The following CNTN4 variants were observed in gnomAD, a reference collection of about 807,000 sequenced individuals.
CNTN4 encodes contactin 4.
In CNTN4, 77 loss-of-function variants were observed where a neutral mutation model predicts 122.5. That is an observed-to-expected ratio of 0.63 (90% confidence interval 0.52 to 0.76). CNTN4 has a LOEUF of 0.76. CNTN4 is among the 30% of genes least tolerant of loss of function. The pLI is 0.00. For synonymous variants in CNTN4, 512 were observed against 447.0 expected (o/e 1.15, Z -1.83); for missense variants, 1,256 against 1,259.1 (o/e 1.00, Z 0.04).
chr3:2,449,902 A>C (rs1438479637), intron 3 of CNTN4, among the ~76,000 whole-genome samples: 2 of 152,140 alleles, frequency 1.3e-5, no homozygotes, highest in Non-Finnish European at 2.9e-5. Context: ...AGTTACACTC[A>C]CAGAAGCAGG....
intron 3 of CNTN4, among the ~76,000 whole-genome samples, chr3:2,543,175 C>T (rs1424078933): frequency 1.3e-5 from 2 of 151,940 alleles, no homozygotes; most frequent in Non-Finnish European, 2.9e-5. Context: ...TGAAAAATAA[C>T]AGAGGATATA....
At chr3:2,502,176 A>T (rs2076611933) in intron 3 of CNTN4, among the ~76,000 whole-genome samples, 1 of 152,154 alleles carries the variant, frequency 6.6e-6, no homozygotes, top group Non-Finnish European at 1.5e-5. Context: ...TCTGGGGATT[A>T]GGACTTGAAC....
chr3:2,685,339 T>TA (rs1417012516), intron 4 of CNTN4, among the ~76,000 whole-genome samples: 3 of 152,160 alleles, frequency 2.0e-5, no homozygotes, highest in Non-Finnish European at 4.4e-5. Flanking sequence ...CAATTGGTGA[T>TA]AAAAATGTTA....
chr3:2,831,643 C>T (rs1039985673), intron 7 of CNTN4, among the ~76,000 whole-genome samples: 3 of 152,190 alleles, frequency 2.0e-5, no homozygotes, highest in Non-Finnish European at 4.4e-5. Context: ...TTCACTGTCA[C>T]AATTAACCCC....
chr3:2,684,811 C>G (rs1332609790), intron 4 of CNTN4, among the ~76,000 whole-genome samples: 1 of 152,086 alleles, frequency 6.6e-6, no homozygotes, highest in African/African-American at 2.4e-5. Context: ...TTGTTGTAAT[C>G]TGTATGAACA....
At chr3:2,485,192 C>T (rs1197547982) in intron 3 of CNTN4, among the ~76,000 whole-genome samples, 2 of 152,254 alleles carry the variant, frequency 1.3e-5, no homozygotes, top group African/African-American at 4.8e-5. Flanking sequence ...GCCTCTCCCC[C>T]TGTGGCTGTG....
chr3:2,787,523 G>T (rs985864327), intron 6 of CNTN4, among the ~76,000 whole-genome samples: 1 of 152,200 alleles, frequency 6.6e-6, no homozygotes, highest in African/African-American at 2.4e-5. Context: ...TATTTGGTCA[G>T]TGTCCGAACT....
rs1257000932 is a variant in CNTN4 at position 2,287,708 on chromosome 3, A to G, written c.-144-51470A>G. On this transcript the variant is annotated intron_variant, in intron 2 of 24. Transcript: ENST00000418658. ...AAGAAGAAGAGGAAGAAGAAGAAGAAGAGGAAGAAGAAGAAGAAGAAGAAG... is the reference window on the plus strand; with the variant it reads ...AAGAAGAAGAGGAAGAAGAAGAAGAGGAGGAAGAAGAAGAAGAAGAAGAAG... Among the ~76,000 whole-genome samples the G allele has an allele frequency of 3.4e-4, 21 of 61,710 alleles. 1 individual carries two copies. The highest frequency in any genetic ancestry group is 7.5e-4 in the South Asian group (1 of 1,338). The allele number at this position is 61,710 out of a possible 152,430, so 40.5% of individuals were successfully genotyped here.
intron 14 of CNTN4, among the ~76,000 whole-genome samples, chr3:2,994,557 T>G (rs1695345717): frequency 6.7e-6 from 1 of 150,048 alleles, no homozygotes; most frequent in South Asian, 2.1e-4. Flanking sequence ...GTTCACCCCA[T>G]AGAAAGTTTA....
chr3:2,351,648 T>G (rs2044628448), intron 3 of CNTN4, among the ~76,000 whole-genome samples: 1 of 152,188 alleles, frequency 6.6e-6, no homozygotes, highest in Non-Finnish European at 1.5e-5. Flanking sequence ...ATTTAAAACT[T>G]ATGAATTCTT....
chr3:2,170,282 C>A (rs192298319), intron 2 of CNTN4, among the ~76,000 whole-genome samples: 2 of 151,288 alleles, frequency 1.3e-5, no homozygotes, highest in Non-Finnish European at 2.9e-5. Flanking sequence ...ATCGCGCCAC[C>A]GCACTCCAGC....
chr3:2,939,586 G>A (rs191308216), intron 13 of CNTN4, among the ~76,000 whole-genome samples: 3 of 152,282 alleles, frequency 2.0e-5, no homozygotes, highest in Admixed American at 1.3e-4. Context: ...ATCACATGTA[G>A]TAAGTCAGCA....
intron 5 of CNTN4, among the ~76,000 whole-genome samples, chr3:2,740,431 C>T (rs1050470612): frequency 6.6e-6 from 1 of 152,000 alleles, no homozygotes; most frequent in Non-Finnish European, 1.5e-5. Context: ...TGAACTCCTT[C>T]AAATGATAAC....
At position 3,056,361 on chromosome 3, in the gene CNTN4, T is replaced by C; in HGVS notation, c.*141T>C. 4.4e-6 allele frequency: 3 copies of C among 688,472 alleles called. No individual in the cohort carries two copies. Among genetic ancestry groups the C allele is most frequent in the African/African-American group, 1.8e-5 (1 of 56,916 alleles). The allele number at this position is 688,472 out of a possible 1,614,324, so 42.6% of individuals were successfully genotyped here. ...AAAATGTTTTTTGCTTCTTTAGGAATGGCATTATACAGTACTTCCTCAAAG... is the reference window on the plus strand; with the variant it reads ...AAAATGTTTTTTGCTTCTTTAGGAACGGCATTATACAGTACTTCCTCAAAG... On this transcript the variant is annotated 3_prime_UTR_variant, in exon 25 of 25. Coordinates refer to ENST00000418658, the MANE Select transcript of CNTN4 (RefSeq NM_175607.3).
intron 10 of CNTN4, among the ~76,000 whole-genome samples, chr3:2,892,669 A>T (rs2094056738): frequency 6.6e-6 from 1 of 152,198 alleles, no homozygotes; most frequent in Admixed American, 6.5e-5. Context: ...GAACTACAAG[A>T]GCCTGATATT....
intron 4 of CNTN4, among the ~76,000 whole-genome samples, chr3:2,607,006 G>A (rs1040146622): frequency 6.6e-6 from 1 of 152,138 alleles, no homozygotes; most frequent in African/African-American, 2.4e-5. Flanking sequence ...CTTGTGCTTC[G>A]CTTCCACAGT....
chr3:2,989,889 G>A (rs939680783), intron 14 of CNTN4, among the ~76,000 whole-genome samples: 2 of 152,228 alleles, frequency 1.3e-5, no homozygotes, highest in African/African-American at 4.8e-5. Flanking sequence ...GTTAGACACA[G>A]AGCTGGGATC....
intron 2 of CNTN4, among the ~76,000 whole-genome samples, chr3:2,243,681 A>G (rs1306798597): frequency 6.6e-6 from 1 of 152,098 alleles, no homozygotes; most frequent in Non-Finnish European, 1.5e-5. Context: ...AGTGTAGTTC[A>G]CTATGGACAA....
chr3:2,262,937 G>T (rs1180690268), intron 2 of CNTN4, among the ~76,000 whole-genome samples: 1 of 152,094 alleles, frequency 6.6e-6, no homozygotes, highest in African/African-American at 2.4e-5. Context: ...AGGACAATGT[G>T]TTATAGTCAC....
Sources: gnomAD v4.1 joint callset for allele counts (sites outside exome capture counted in the v4.1 genomes callset) on GRCh38, gnomAD v4.1.1 for gene constraint, MANE v1.5 for transcripts, NCBI Gene and HGNC (gene_info 2026-07-23, HGNC 2026-07-21) for gene names.